The following SIPA1L2 variants were observed in gnomAD, a reference collection of about 807,000 sequenced individuals.
SIPA1L2 encodes signal induced proliferation associated 1 like 2.
A neutral mutation model predicts 163.9 loss-of-function variants in SIPA1L2; 56 were observed. That is an observed-to-expected ratio of 0.34 (90% CI 0.28 to 0.43). The LOEUF (loss-of-function observed/expected upper bound fraction) is 0.43, where lower values mean the gene tolerates loss of function less well. Ranked by LOEUF, SIPA1L2 falls within the 20% of genes least tolerant of loss-of-function variation. The probability of loss-of-function intolerance (pLI) is 1.00; values close to 1 mark genes in which losing one functional copy is unlikely to be tolerated. For synonymous variants in SIPA1L2, 877 were observed against 865.7 expected, an observed-to-expected ratio of 1.01 and a Z score of -0.23; for missense variants, 1,974 against 2,193.5, an observed-to-expected ratio of 0.90 and a Z score of 2.00.
At chr1:232,559,015 C>T (rs1315814367) in intron 2 of SIPA1L2, among the ~76,000 whole-genome samples, 1 of 152,174 alleles carries the variant, frequency 6.6e-6, no homozygotes, top group Non-Finnish European at 1.5e-5. Flanking sequence ...ATATAAAATT[C>T]ACTTGATGTG....
At chr1:232,585,928 C>G (rs2102815870) in intron 1 of SIPA1L2, among the ~76,000 whole-genome samples, 1 of 152,138 alleles carries the variant, frequency 6.6e-6, no homozygotes, top group African/African-American at 2.4e-5. Flanking sequence ...CCATGATGAG[C>G]AAGACTGGAA....
intron 15 of SIPA1L2, among the ~76,000 whole-genome samples, chr1:232,437,453 T>C (rs1225265737): frequency 6.6e-6 from 1 of 152,114 alleles, no homozygotes; most frequent in African/African-American, 2.4e-5. Flanking sequence ...ATAGAACTGG[T>C]AAAAAAAGTA....
chr1:232,542,438 A>T (rs1206403423), intron 2 of SIPA1L2, among the ~76,000 whole-genome samples: 1 of 152,230 alleles, frequency 6.6e-6, no homozygotes, highest in Non-Finnish European at 1.5e-5. Flanking sequence ...TATTTATCAT[A>T]AAGTTCTAAA....
chr1:232,588,252 C>T (rs1660774989), intron 1 of SIPA1L2, among the ~76,000 whole-genome samples: 2 of 152,022 alleles, frequency 1.3e-5, no homozygotes, highest in Admixed American at 6.6e-5. Flanking sequence ...CTTGACAGAG[C>T]GATATATAAA....
intron 15 of SIPA1L2, among the ~76,000 whole-genome samples, chr1:232,433,617 G>A (rs2102837926): frequency 6.6e-6 from 1 of 152,202 alleles, no homozygotes; most frequent in East Asian, 1.9e-4. Flanking sequence ...AGGCCAGAAG[G>A]ACTACCCACC....
At chr1:232,516,988 A>G (rs1451721801) in intron 2 of SIPA1L2, among the ~76,000 whole-genome samples, 1 of 152,204 alleles carries the variant, frequency 6.6e-6, no homozygotes, top group Non-Finnish European at 1.5e-5. Context: ...TCAAAGAAAA[A>G]TATTTGTAAT....
At position 232,514,149 on chromosome 1, in the gene SIPA1L2, C is replaced by A; in HGVS notation, c.1191G>T (p.Glu397Asp). The A allele has an allele frequency of 1.9e-6, 3 of 1,614,230 alleles. No homozygotes were observed. Among genetic ancestry groups the A allele is most frequent in the Non-Finnish European group, 2.5e-6 (3 of 1,180,034 alleles). The change falls in exon 3 of 23, where the codon GAG becomes GAT. Residue 397 changes from glutamate (E) to aspartate (D), a missense_variant. Coordinates refer to ENST00000674635, the MANE Select transcript of SIPA1L2 (RefSeq NM_020808.5). ...LNSKENLDAD[E>D]GDGKSNDLVL... ...CGAGGTCGTTACTTTTCCCATCACCCTCATCGGCATCCAGGTTCTCTTTGG... is the reference window on the plus strand; with the variant it reads ...CGAGGTCGTTACTTTTCCCATCACCATCATCGGCATCCAGGTTCTCTTTGG...
chr1:232,418,097 G>A (rs1661364079), intron 18 of SIPA1L2, among the ~76,000 whole-genome samples: 1 of 152,200 alleles, frequency 6.6e-6, no homozygotes, highest in Non-Finnish European at 1.5e-5. Context: ...CTTCATTCCA[G>A]CTTCTGGCAT....
chr1:232,470,906 A>G (rs924221259), intron 8 of SIPA1L2, among the ~76,000 whole-genome samples: 4 of 152,200 alleles, frequency 2.6e-5, no homozygotes, highest in Non-Finnish European at 2.9e-5. Context: ...GTTAAGTATA[A>G]AAGCAGGCCT....
rs1660168191 is a variant in SIPA1L2, at chr1:232,398,897, A to G, written c.*230T>C. On this transcript the variant is annotated 3_prime_UTR_variant, in exon 23 of 23. Transcript: ENST00000674635. Reference sequence around the variant, plus strand: ...TCAACTGTCGCCAGGGTTTACATTCATCTTCACACCAGGAGTTACATTCAT... The same window carrying G: ...TCAACTGTCGCCAGGGTTTACATTCGTCTTCACACCAGGAGTTACATTCAT... The G allele has an allele frequency of 1.9e-6, 1 of 528,086 alleles. No individual in the cohort carries two copies. The highest frequency in any genetic ancestry group is 3.3e-6 in the Non-Finnish European group (1 of 301,358). 32.7% of individuals were successfully genotyped at this position (528,086 alleles called of 1,614,324 possible).
At chr1:232,399,376 C>G (rs1009135715) in intron 22 of SIPA1L2, 103 bp from the exon 23 acceptor site, 4 of 1,301,684 alleles carry the variant, frequency 3.1e-6, no homozygotes, top group Non-Finnish European at 3.1e-6. Flanking sequence ...TACTTATGTA[C>G]TTTTTGAGGG....
intron 19 of SIPA1L2, among the ~76,000 whole-genome samples, chr1:232,408,736 G>GT (rs1209618454): frequency 1.3e-5 from 2 of 151,944 alleles, no homozygotes; most frequent in African/African-American, 4.8e-5. Flanking sequence ...TTTTTGCTGG[G>GT]TAAGTTCCTT....
chr1:232,611,952 C>T (rs1484652795), intron 1 of SIPA1L2, among the ~76,000 whole-genome samples: 1 of 152,196 alleles, frequency 6.6e-6, no homozygotes, highest in Non-Finnish European at 1.5e-5. Context: ...AAAATGGTTT[C>T]ATGGGCCAGG....
At chr1:232,483,665 C>T (rs1275927588) in intron 6 of SIPA1L2, 127 bp downstream of exon 6, 3 of 990,346 alleles carry the variant, frequency 3.0e-6, no homozygotes, top group South Asian at 1.5e-5. Flanking sequence ...AACTCTATTC[C>T]AAATAAGCTT....
intron 1 of SIPA1L2, among the ~76,000 whole-genome samples, chr1:232,584,201 G>A (rs1019819836): frequency 6.6e-6 from 1 of 152,098 alleles, no homozygotes; most frequent in Non-Finnish European, 1.5e-5. Context: ...CATTCAGTCG[G>A]TTAGAAATCA....
rs1558270699 is a variant in SIPA1L2, at chr1:232,563,955, T to TTTGTGTGTGTGTG, written c.-270+10218_-270+10219insCACACACACACAA. 5.7e-4 allele frequency among the ~76,000 whole-genome samples: 66 copies of TTTGTGTGTGTGTG among 116,770 alleles called. 4 individuals are homozygous for TTTGTGTGTGTGTG. The highest frequency in any genetic ancestry group is 2.5e-3 in the African/African-American group (63 of 25,172). The allele number at this position is 116,770 out of a possible 152,430, so 76.6% of individuals were successfully genotyped here. A position where few individuals can be genotyped will look rare whatever the true frequency, so the allele number is the denominator to read the frequency against. ...AACGACAAAGGTTTGTTTTTTTTTT[T>TTTGTGTGTGTGTG]CGTGTGTGTGTGTGTGTGTGTGTGT... On this transcript the variant is annotated intron_variant, in intron 2 of 22. Coordinates refer to ENST00000674635, the MANE Select transcript of SIPA1L2 (RefSeq NM_020808.5).
At chr1:232,588,726 T>C (rs538467272) in intron 1 of SIPA1L2, among the ~76,000 whole-genome samples, 27 of 152,222 alleles carry the variant, frequency 1.8e-4, no homozygotes, top group Non-Finnish European at 2.8e-4. Context: ...CACAGCTACA[T>C]ATCACAACAG....
intron 2 of SIPA1L2, among the ~76,000 whole-genome samples, chr1:232,555,094 T>G (rs1001746117): frequency 5.9e-5 from 9 of 152,216 alleles, no homozygotes; most frequent in Non-Finnish European, 8.8e-5. Context: ...TGTGAAAAAC[T>G]TCTAGGTTCT....
chr1:232,556,961 A>G (rs1658747100), intron 2 of SIPA1L2, among the ~76,000 whole-genome samples: 1 of 152,176 alleles, frequency 6.6e-6, no homozygotes, highest in Non-Finnish European at 1.5e-5. Flanking sequence ...CTCTGGGACA[A>G]CAGTCAAGAA....
Sources: gnomAD v4.1 joint callset for allele counts (sites outside exome capture counted in the v4.1 genomes callset) on GRCh38, gnomAD v4.1.1 for gene constraint, MANE v1.5 for transcripts, NCBI Gene and HGNC (gene_info 2026-07-23, HGNC 2026-07-21) for gene names.